IFTAP: variants seen among roughly 807,000 people sequenced by gnomAD.
IFTAP encodes the protein intraflagellar transport-associated protein.
In IFTAP, 19 loss-of-function variants were observed where a neutral mutation model predicts 19.4. The observed-to-expected ratio is 0.98, with a 90% CI of 0.68 to 1.44. The LOEUF (loss-of-function observed/expected upper bound fraction) is 1.44, where lower values mean the gene tolerates loss of function less well. Among genes scored for constraint, IFTAP ranks in the 40% most tolerant of loss-of-function variants. IFTAP has a pLI of 0.00. For synonymous variants in IFTAP, 85 were observed against 83.5 expected (o/e 1.02, Z -0.10); for missense variants, 240 against 253.6 (o/e 0.95, Z 0.36).
intron 1 of IFTAP, among the ~76,000 whole-genome samples, chr11:36,607,733 G>A (rs1263855637): frequency 1.3e-5 from 2 of 152,096 alleles, no homozygotes; most frequent in African/African-American, 4.8e-5. Flanking sequence ...GAGTGCAATG[G>A]TGTGATCTGG....
intron 1 of IFTAP, among the ~76,000 whole-genome samples, chr11:36,608,225 C>T (rs543851908): frequency 2.0e-5 from 3 of 152,190 alleles, no homozygotes; most frequent in African/African-American, 7.2e-5. Flanking sequence ...AGACTCTTGA[C>T]AGAATTTACC....
intron 4 of IFTAP, among the ~76,000 whole-genome samples, chr11:36,643,665 A>G (rs1853333340): frequency 6.6e-6 from 1 of 152,224 alleles, no homozygotes; most frequent in South Asian, 2.1e-4. Flanking sequence ...GACCAATGGA[A>G]AAGAACAGAG....
chr11:36,649,390 G>A (rs749410441), intron 5 of IFTAP, among the ~76,000 whole-genome samples: 1 of 152,022 alleles, frequency 6.6e-6, no homozygotes, highest in East Asian at 1.9e-4. Flanking sequence ...TCTCTGAGTT[G>A]TAAAAAGCTA....
chr11:36,650,514 C>A (rs1853670707), intron 5 of IFTAP, among the ~76,000 whole-genome samples: 1 of 146,414 alleles, frequency 6.8e-6, no homozygotes, highest in South Asian at 2.2e-4. Flanking sequence ...TTATTTGGTT[C>A]AGATTTTTTC....
chr11:36,599,531 G>A (rs1043787786), intron 1 of IFTAP, among the ~76,000 whole-genome samples: 2 of 152,116 alleles, frequency 1.3e-5, no homozygotes, highest in Non-Finnish European at 2.9e-5. Context: ...AATGTCTATA[G>A]AATGTACATA....
chr11:36,600,302 A>G (rs1399993524), intron 1 of IFTAP, among the ~76,000 whole-genome samples: 1 of 152,252 alleles, frequency 6.6e-6, no homozygotes, highest in Non-Finnish European at 1.5e-5. Context: ...TGAGCCACGG[A>G]CAGGTACGGT....
chr11:36,607,446 C>T (rs1423987197), intron 1 of IFTAP, among the ~76,000 whole-genome samples: 3 of 152,108 alleles, frequency 2.0e-5, no homozygotes, highest in African/African-American at 4.8e-5. Context: ...TAGGCTGGTT[C>T]TGGGAAAGCA....
At chr11:36,645,915 A>G (rs1853462493) in intron 4 of IFTAP, among the ~76,000 whole-genome samples, 1 of 152,158 alleles carries the variant, frequency 6.6e-6, no homozygotes, top group African/African-American at 2.4e-5. Context: ...TTCCTTTTCT[A>G]TCTCCAAGTA....
In IFTAP at chr11:36,659,027, A is replaced by G. The variant is rs2133559670; in HGVS notation, c.507A>G (p.Gly169=). 6 of 1,592,760 alleles carry G rather than the reference A, an allele frequency of 3.8e-6. No individual in the cohort carries two copies. Among genetic ancestry groups the G allele is most frequent in the Non-Finnish European group, 4.3e-6 (5 of 1,169,108 alleles). Residue 169 remains glycine, a synonymous_variant, in exon 6 of 6, where the codon GGA becomes GGG. Coordinates refer to ENST00000334307, the MANE Select transcript of IFTAP (RefSeq NM_138787.4). ...TTTGTTACCTTTTATAGATACTTGG[A>G]GATGAAGTTCAACTTTTTTCACTTG... ...RMDKQTEEIL[G]DEVQLFSLDE... is the part of the protein sequence containing the mutation.
At chr11:36,653,041 G>T (rs1268241020) in intron 5 of IFTAP, among the ~76,000 whole-genome samples, 1 of 152,072 alleles carries the variant, frequency 6.6e-6, no homozygotes, top group East Asian at 1.9e-4. Context: ...AGAAACTTGT[G>T]TGGTATTTTA....
intron 3 of IFTAP, among the ~76,000 whole-genome samples, chr11:36,634,538 G>C (rs1408531047): frequency 6.6e-6 from 1 of 152,076 alleles, no homozygotes; most frequent in Non-Finnish European, 1.5e-5. Context: ...CATCTGAAGG[G>C]CTACAAGATC....
intron 2 of IFTAP, among the ~76,000 whole-genome samples, chr11:36,624,238 C>A (rs1271757412): frequency 6.6e-6 from 1 of 152,234 alleles, no homozygotes; most frequent in South Asian, 2.1e-4. Flanking sequence ...CACACACCCA[C>A]AGTAAAACAA....
intron 4 of IFTAP, among the ~76,000 whole-genome samples, chr11:36,639,960 T>C (rs1408765920): frequency 1.3e-5 from 2 of 152,198 alleles, no homozygotes; most frequent in Non-Finnish European, 2.9e-5. Context: ...CCTGAACGAC[T>C]AGGGACTCTT....
At chr11:36,642,720 C>G (rs979265249) in intron 4 of IFTAP, among the ~76,000 whole-genome samples, 1 of 152,012 alleles carries the variant, frequency 6.6e-6, no homozygotes, top group African/African-American at 2.4e-5. Context: ...AATCAATAAA[C>G]GTAATCCAGC....
intron 5 of IFTAP, among the ~76,000 whole-genome samples, chr11:36,650,969 G>C (rs533209441): frequency 2.0e-5 from 3 of 152,084 alleles, no homozygotes; most frequent in Non-Finnish European, 4.4e-5. Context: ...TGGACATTTG[G>C]GCTGGTTCCA....
At position 36,659,000 on chromosome 11, in the gene IFTAP, C is replaced by T. The variant is rs1437493630; in HGVS notation, c.499-19C>T. The T allele has an allele frequency of 4.6e-6, 7 of 1,516,548 alleles. No individual in the cohort carries two copies. Among genetic ancestry groups the T allele is most frequent in the African/African-American group, 2.8e-5 (2 of 71,326 alleles). The allele number at this position is 1,516,548 out of a possible 1,614,324, so 93.9% of individuals were successfully genotyped here. A position where few individuals can be genotyped will look rare whatever the true frequency, so the allele number is the denominator to read the frequency against. ...ACAATGATTGTGTATGTTTTTTCCT[C>T]CTTTGTTACCTTTTATAGATACTTG... On this transcript the variant is annotated intron_variant, in intron 5 of 5. Transcript: ENST00000334307.
At chr11:36,616,893 A>C (rs1478516014) in intron 2 of IFTAP, among the ~76,000 whole-genome samples, 1 of 151,790 alleles carries the variant, frequency 6.6e-6, no homozygotes, top group Non-Finnish European at 1.5e-5. Flanking sequence ...TATTCAATTC[A>C]TTTATTAGAA....
rs1476181061 is a variant in IFTAP at position 36,648,006 on chromosome 11, T to C, written c.359-10T>C. ...CGAAAGGCTCAGTTGAAATGTTTTG[T>C]ATCCAACAGATTTGCTGCTGCTTCC... On this transcript the variant is annotated splice_polypyrimidine_tract_variant and intron_variant, in intron 4 of 5. Transcript: ENST00000334307. 2.5e-6 allele frequency: 4 copies of C among 1,611,614 alleles called. No individual in the cohort carries two copies. Among genetic ancestry groups the C allele is most frequent in the Middle Eastern group, 1.7e-4 (1 of 6,060 alleles).
chr11:36,609,950 G>A, intron 1 of IFTAP, 131 bp from the exon 2 acceptor site: 1 of 719,810 alleles, frequency 1.4e-6, no homozygotes, highest in East Asian at 2.7e-5. Context: ...TTGAACTAGA[G>A]GTCACTGCTC....
Sources: allele counts gnomAD v4.1 joint callset (sites outside exome capture counted in the v4.1 genomes callset), GRCh38; gene constraint gnomAD v4.1.1; transcripts MANE v1.5; gene names NCBI Gene and HGNC (gene_info 2026-07-23, HGNC 2026-07-21).